The following ZNF391 variants were observed in gnomAD, a reference collection of about 807,000 sequenced individuals.
ZNF391 encodes the protein zinc finger protein 391.
For synonymous variants in ZNF391, 126 were observed against 142.1 expected (o/e 0.89, Z 0.80); for missense variants, 375 against 425.5 (o/e 0.88, Z 1.04).
Position 27,400,541 on chromosome 6 carries a change from G to A in ZNF391, c.171G>A (p.Glu57=). Residue 57 remains glutamate (E), a synonymous_variant, in exon 3 of 3, where the codon GAG becomes GAA. Coordinates refer to ENST00000244576, the MANE Select transcript of ZNF391 (RefSeq NM_001076781.3). The part of the protein sequence containing the change: ...SVTLKEIFTG[E]EGPESSEFSL... The stretch of plus-strand genomic sequence containing the variant: ...CACTCAAAGAAATTTTCACAGGGGA[G>A]GAAGGCCCTGAATCCAGTGAATTTA... The A allele has an allele frequency of 1.2e-6, 2 of 1,614,178 alleles. No homozygotes were observed. The highest frequency in any genetic ancestry group is 2.2e-5 in the South Asian group (2 of 91,084).
chr6:27,383,715 G>A (rs1761542122), intron 1 of ZNF391, among the ~76,000 whole-genome samples: 1 of 152,084 alleles, frequency 6.6e-6, no homozygotes, highest in Non-Finnish European at 1.5e-5. Flanking sequence ...ACTTCCTAAA[G>A]GCCTCATCTC....
rs753654135 is a variant in ZNF391, at chr6:27,383,226, G to A, written n.523+8089G>A. The stretch of plus-strand genomic sequence containing the variant: ...CAAAAAGTATAACATATGTATAATA[G>A]GAATACCAAAAAAAGAAGAAAGACA... On this transcript the variant is annotated intron_variant and non_coding_transcript_variant, in intron 1 of 2. Transcript: ENST00000477999. Among the ~76,000 whole-genome samples, 6 of 151,524 alleles carry A rather than the reference G, an allele frequency of 4.0e-5. No individual in the cohort carries two copies. In the South Asian group the frequency reaches 6.3e-4, roughly 16 times the overall value.
At chr6:27,382,031 T>G (rs1376558567) in intron 1 of ZNF391, among the ~76,000 whole-genome samples, 5 of 15,500 alleles carry the variant, frequency 3.2e-4, no homozygotes, top group Admixed American at 6.9e-4. Context: ...CAAGACTCCA[T>G]CTCAAAAAAA....
At chr6:27,389,712 G>C (rs1761661553) in intron 1 of ZNF391, among the ~76,000 whole-genome samples, 1 of 152,156 alleles carries the variant, frequency 6.6e-6, no homozygotes, top group Non-Finnish European at 1.5e-5. Flanking sequence ...GCTGAGGCAG[G>C]AGAATCACTT....
intron 1 of ZNF391, among the ~76,000 whole-genome samples, chr6:27,392,046 C>T (rs1363663409): frequency 6.6e-6 from 1 of 152,158 alleles, no homozygotes; most frequent in Non-Finnish European, 1.5e-5. Flanking sequence ...TAGCTTTGGA[C>T]CAATCAAGTC....
chr6:27,389,814 C>CA (rs1288509947), intron 1 of ZNF391, among the ~76,000 whole-genome samples: 8 of 79,664 alleles, frequency 1.0e-4, no homozygotes, highest in African/African-American at 2.7e-4. Flanking sequence ...CCCTCCCCCC[C>CA]AAAAAAGAGA....
chr6:27,399,725 A>C (rs1761907818), intron 2 of ZNF391, among the ~76,000 whole-genome samples, 175 bp downstream of exon 2: 1 of 152,210 alleles, frequency 6.6e-6, no homozygotes, highest in Non-Finnish European at 1.5e-5. Context: ...ATAGTCTAGG[A>C]CTGTAGACTT....
At chr6:27,386,121 G>A (rs1014764424), upstream of ZNF391, among the ~76,000 whole-genome samples, 5 of 152,148 alleles carry the variant, frequency 3.3e-5, no homozygotes, top group African/African-American at 1.2e-4. Context: ...ATAGAATGCT[G>A]TGAAAGCAGT....
intron 1 of ZNF391, among the ~76,000 whole-genome samples, chr6:27,391,372 AT>A (rs952882226): frequency 6.6e-6 from 1 of 151,666 alleles, no homozygotes; most frequent in South Asian, 2.1e-4. Context: ...CGCCCAGCTA[AT>A]TTTTTTGTAT....
chr6:27,396,041 A>G (rs1330869405), intron 1 of ZNF391, among the ~76,000 whole-genome samples: 1 of 152,178 alleles, frequency 6.6e-6, no homozygotes, highest in East Asian at 1.9e-4. Flanking sequence ...TGGGAGATGC[A>G]GTATTCATCT....
intron 1 of ZNF391, 103 bp downstream of exon 1, chr6:27,389,178 C>T (rs759396612): frequency 2.0e-5 from 9 of 456,658 alleles, no homozygotes; most frequent in South Asian, 1.2e-4. Context: ...TCAGGAGGCA[C>T]CTCCACGGTT....
rs1386766450 is a variant in ZNF391, at chr6:27,400,840, G to T, written c.470G>T (p.Arg157Ile). Residue 157 changes from arginine (R) to isoleucine (I), a missense_variant, in exon 3 of 3, where the codon AGA becomes ATA. Arg to Ile is a moderately conservative substitution (Grantham distance 97, BLOSUM62 -3). Transcript: ENST00000244576. ...AGTACACACCTTATTGAACATCAAAGAACTCACACTGGAGAGAAACCTTAT... is the reference window on the plus strand; with the variant it reads ...AGTACACACCTTATTGAACATCAAATAACTCACACTGGAGAGAAACCTTAT... The part of the protein sequence containing the change: ...SRSTHLIEHQ[R>I]THTGEKPYEC... 1 of 1,614,218 alleles carries T rather than the reference G, an allele frequency of 6.2e-7. No homozygotes were observed. The highest frequency in any genetic ancestry group is 8.5e-7 in the Non-Finnish European group (1 of 1,180,038).
chr6:27,385,418 T>C (rs2393932), upstream of ZNF391, among the ~76,000 whole-genome samples: 107,153 of 152,080 alleles, frequency 0.7, 38,012 homozygotes, highest in Middle Eastern at 0.8. Context: ...AAGATAAAGA[T>C]ACATATAGAT....
chr6:27,390,184 G>A (rs1761672968), intron 1 of ZNF391, among the ~76,000 whole-genome samples: 1 of 152,202 alleles, frequency 6.6e-6, no homozygotes, highest in Non-Finnish European at 1.5e-5. Context: ...TCCTTCTGAA[G>A]GGGGTAGAAA....
intron 1 of ZNF391, chr6:27,394,919 C>T (rs1038328095): frequency 4.6e-5 from 7 of 152,158 alleles, no homozygotes; most frequent in Non-Finnish European, 8.8e-5. Flanking sequence ...GCCTATAGCC[C>T]CTTTCTTTTG....
At chr6:27,388,162 T>C (rs1372818756), upstream of ZNF391, among the ~76,000 whole-genome samples, 3 of 152,216 alleles carry the variant, frequency 2.0e-5, no homozygotes, top group Non-Finnish European at 4.4e-5. Flanking sequence ...CCAGTGTCCC[T>C]CGTTCCATAA....
At position 27,401,738 on chromosome 6, in the gene ZNF391, A is replaced by C. The variant is rs969714212; in HGVS notation, c.*291A>C. 2 of 244,368 alleles carry C rather than the reference A, an allele frequency of 8.2e-6. No homozygotes were observed. The highest frequency in any genetic ancestry group is 4.5e-5 in the African/African-American group (2 of 44,434). The allele number at this position is 244,368 out of a possible 1,614,324, so 15.1% of individuals were successfully genotyped here. A position where few individuals can be genotyped will look rare whatever the true frequency, so the allele number is the denominator to read the frequency against. On this transcript the variant is annotated 3_prime_UTR_variant, in exon 3 of 3. Coordinates refer to ENST00000244576, the MANE Select transcript of ZNF391 (RefSeq NM_001076781.3). ...AGGGATGACTCAAAAAACATAACAT[A>C]TGAAATCTAATATTCTGAAGGGCTC...
At chr6:27,390,290 C>T (rs1455092572) in intron 1 of ZNF391, among the ~76,000 whole-genome samples, 2 of 152,160 alleles carry the variant, frequency 1.3e-5, no homozygotes, top group Non-Finnish European at 2.9e-5. Flanking sequence ...TGGTGGCCAG[C>T]GCTGTTAGTG....
chr6:27,378,394 T>C (rs1320547978), intron 1 of ZNF391, among the ~76,000 whole-genome samples: 2 of 151,694 alleles, frequency 1.3e-5, no homozygotes, highest in African/African-American at 4.8e-5. Context: ...TTTTATAAGA[T>C]TTGGGTAGGT....
Sources: allele counts gnomAD v4.1 joint callset (sites outside exome capture counted in the v4.1 genomes callset), GRCh38; gene constraint gnomAD v4.1.1; transcripts MANE v1.5; gene names NCBI Gene and HGNC (gene_info 2026-07-23, HGNC 2026-07-21).